Variants in NMRAL1 observed in about 807,000 individuals in gnomAD.
NMRAL1 encodes the protein NmrA like redox sensor 1.
In NMRAL1, 32 loss-of-function variants were observed where a neutral mutation model predicts 27.5. The ratio of observed to expected loss-of-function variants is 1.16; its 90% CI spans 0.88 to 1.56. The LOEUF is 1.56. Among genes scored for constraint, NMRAL1 ranks in the 40% most tolerant of loss-of-function variants. The probability of loss-of-function intolerance (pLI) is 0.00; values close to 1 mark genes in which losing one functional copy is unlikely to be tolerated. For missense variants in NMRAL1, 420 were observed against 392.0 expected, an observed-to-expected ratio of 1.07 and a Z score of -0.60; for synonymous variants, 166 against 166.8, an observed-to-expected ratio of 1.00 and a Z score of 0.04.
At chr16:4,470,179 A>G (rs1190441071) in intron 2 of NMRAL1, among the ~76,000 whole-genome samples, 1 of 140,670 alleles carries the variant, frequency 7.1e-6, no homozygotes, top group African/African-American at 2.9e-5. Context: ...AAAAAAAAAA[A>G]AAAAAAAGGG....
At chr16:4,469,157 G>A in intron 3 of NMRAL1, 70 bp downstream of exon 3, 1 of 993,588 alleles carries the variant, frequency 1.0e-6, no homozygotes, top group Non-Finnish European at 1.6e-6. Flanking sequence ...TCCCTGCAGA[G>A]TCGGAGCTCC....
Position 4,471,719 on chromosome 16 carries a change from A to G in NMRAL1, c.41-2254T>C, listed in dbSNP as rs377616533. On this transcript the variant is annotated intron_variant, in intron 2 of 5. Transcript: ENST00000283429. ...TACTGAATTCTAGCTAATGTTATGC[A>G]TGCTTTAGTATGGAAGGGCGGTGTA... Among the ~76,000 whole-genome samples, 43 of 152,158 alleles carry G rather than the reference A, an allele frequency of 2.8e-4. No individual in the cohort carries two copies. The South Asian group carries it at 8.1e-3, about 29-fold the overall frequency.
At chr16:4,472,641 G>A (rs1441210193) in intron 2 of NMRAL1, among the ~76,000 whole-genome samples, 1 of 151,878 alleles carries the variant, frequency 6.6e-6, no homozygotes, top group East Asian at 1.9e-4. Flanking sequence ...CTACTCAGGA[G>A]GGTGAGACAG....
intron 4 of NMRAL1, 44 bp from the exon 5 acceptor site, chr16:4,463,894 CA>C (rs2057213416): frequency 3.8e-6 from 6 of 1,558,476 alleles, no homozygotes; most frequent in Non-Finnish European, 5.3e-6. Flanking sequence ...CGAGGGCAGA[CA>C]GGGGCAGGGA....
chr16:4,472,938 G>T (rs1480459338), intron 2 of NMRAL1, among the ~76,000 whole-genome samples: 3 of 150,630 alleles, frequency 2.0e-5, no homozygotes, highest in Non-Finnish European at 4.4e-5. Context: ...GGAGGAGTAA[G>T]AATGGGGAGT....
Position 4,461,801 on chromosome 16 carries a change from T to TG in NMRAL1, c.878_879insC (p.Lys293AsnfsTer?). 6.2e-7 allele frequency: 1 copy of TG among 1,613,552 alleles called. No homozygotes were observed. The highest frequency in any genetic ancestry group is 8.5e-7 in the Non-Finnish European group (1 of 1,179,762). On this transcript the variant is annotated frameshift_variant, in exon 6 of 6. Coordinates refer to ENST00000283429, the MANE Select transcript of NMRAL1 (RefSeq NM_020677.6). LOFTEE classifies it high-confidence loss of function. ...CAGGTCACAGCAGGTTGAAGTCCCCTTTGTGCTGTTCCAGCCACTGGTCCA... is the reference window on the plus strand; with the variant it reads ...CAGGTCACAGCAGGTTGAAGTCCCCTGTTGTGCTGTTCCAGCCACTGGTCCA...
At chr16:4,462,276 C>T (rs1567343019) in intron 5 of NMRAL1, among the ~76,000 whole-genome samples, 1 of 151,748 alleles carries the variant, frequency 6.6e-6, no homozygotes, top group African/African-American at 2.4e-5. Context: ...GCCAGGAGTT[C>T]GAGACCAGCG....
chr16:4,466,537 G>T (rs2141432297), intron 3 of NMRAL1, 135 bp from the exon 4 acceptor site: 2 of 778,714 alleles, frequency 2.6e-6, no homozygotes, highest in East Asian at 2.6e-5. Flanking sequence ...CCTTGAGGAG[G>T]CCCCCTCTCC....
chr16:4,469,898 C>T (rs2057488608), intron 2 of NMRAL1, among the ~76,000 whole-genome samples: 1 of 147,358 alleles, frequency 6.8e-6, no homozygotes, highest in Non-Finnish European at 1.5e-5. Flanking sequence ...GGCATGGTGG[C>T]TCACGCCTGT....
intron 3 of NMRAL1, among the ~76,000 whole-genome samples, chr16:4,468,081 C>A (rs2141439538): frequency 6.6e-6 from 1 of 151,982 alleles, no homozygotes; most frequent in Middle Eastern, 3.4e-3. Flanking sequence ...AGGCGGATCG[C>A]CTGAGGCCGG....
intron 4 of NMRAL1, 33 bp downstream of exon 4, chr16:4,466,120 T>TC (rs1259387031): frequency 1.2e-6 from 2 of 1,611,516 alleles, no homozygotes; most frequent in Admixed American, 1.7e-5. Context: ...GGGTGAGAGC[T>TC]CTGCCTCACC....
At chr16:4,473,442 GAA>G (rs1158421152) in intron 2 of NMRAL1, among the ~76,000 whole-genome samples, 1 of 151,856 alleles carries the variant, frequency 6.6e-6, no homozygotes, top group African/African-American at 2.4e-5. Context: ...GTATAAATAA[GAA>G]AAAATAGGAA....
chr16:4,464,092 C>G, intron 4 of NMRAL1: 2 of 533,910 alleles, frequency 3.7e-6, no homozygotes, highest in South Asian at 2.7e-5. Flanking sequence ...GCTCTCTGAG[C>G]CTGGGTTGCT....
intron 2 of NMRAL1, among the ~76,000 whole-genome samples, chr16:4,471,830 T>C (rs998849985): frequency 6.6e-6 from 1 of 151,810 alleles, no homozygotes; most frequent in Non-Finnish European, 1.5e-5. Context: ...CTAAGCACTT[T>C]GGGAGGGTAA....
At position 4,469,269 on chromosome 16, in the gene NMRAL1, G is replaced by A. The variant is rs781650343; in HGVS notation, c.237C>T (p.Thr79=). The change falls in exon 3 of 6, where the codon ACC becomes ACT. Residue 79 remains threonine (T), a synonymous_variant. Transcript: ENST00000283429. ...LNGAYATFIV[T]NYWESCSQEQ... is the part of the protein sequence containing the mutation. ...CCTGGCTGCAGCTCTCCCAGTAATTGGTCACGATGAAGGTGGCGTAAGCCC... is the reference window on the plus strand; with the variant it reads ...CCTGGCTGCAGCTCTCCCAGTAATTAGTCACGATGAAGGTGGCGTAAGCCC... The A allele has an allele frequency of 5.6e-6, 9 of 1,614,064 alleles. No homozygotes were observed. The Admixed American group carries it at 1.3e-4, about 24-fold the overall frequency.
At chr16:4,468,457 A>G (rs4786497) in intron 3 of NMRAL1, among the ~76,000 whole-genome samples, 101,417 of 151,708 alleles carry the variant, frequency 0.67, 34,698 homozygotes, top group Non-Finnish European at 0.74. Flanking sequence ...CTCTACTAAA[A>G]ATACAAAAAT....
At chr16:4,474,683 C>G (rs1037953801), upstream of NMRAL1, 1 of 153,494 alleles carries the variant, frequency 6.5e-6, no homozygotes, top group African/African-American at 2.4e-5. Context: ...GACTCGGCGT[C>G]GTTTCCGGGT....
intron 2 of NMRAL1, 106 bp from the exon 3 acceptor site, chr16:4,469,571 A>T: frequency 6.5e-7 from 1 of 1,542,936 alleles, no homozygotes; most frequent in Non-Finnish European, 8.7e-7. Context: ...CATCCAGGAA[A>T]CCTTCTCAAC....
Position 4,461,953 on chromosome 16 carries a change from G to C in NMRAL1, c.727C>G (p.Pro243Ala), listed in dbSNP as rs1455459728. 12 of 1,611,488 alleles carry C rather than the reference G, an allele frequency of 7.4e-6. No homozygotes were observed. Among genetic ancestry groups the C allele is most frequent in the Non-Finnish European group, 1.0e-5 (12 of 1,178,618 alleles). Residue 243 changes from proline (P) to alanine (A), a missense_variant, in exon 6 of 6, where the codon CCT becomes GCT. Pro to Ala is a conservative substitution (Grantham distance 27). Transcript: ENST00000283429. ...AAGCCAAGCTTTTCGTAGTCCTCAG[G>C]AGTCATCTGGAAGCAGAGGAGCCTG... is the stretch of plus-strand genomic sequence containing the variant. ...RKVVHDAKMT[P>A]EDYEKLGFPG...
Sources: allele counts gnomAD v4.1 joint callset (sites outside exome capture counted in the v4.1 genomes callset), GRCh38; gene constraint gnomAD v4.1.1; transcripts MANE v1.5; gene names NCBI Gene and HGNC (gene_info 2026-07-23, HGNC 2026-07-21).